CAMTA1: variants seen among roughly 807,000 people sequenced by gnomAD.
CAMTA1 encodes the protein calmodulin binding transcription activator 1, also known as calmodulin-binding transcription activator 1.
CAMTA1 carries 27 observed loss-of-function variants against 170.9 expected under a neutral mutation model. The observed-to-expected ratio is 0.16, with a 90% CI of 0.12 to 0.22. The LOEUF (loss-of-function observed/expected upper bound fraction) is 0.22. CAMTA1 is among the 10% of genes least tolerant of loss of function. The pLI, the probability that CAMTA1 is intolerant of heterozygous loss-of-function variation, is 1.00. For synonymous variants in CAMTA1, 833 were observed against 891.5 expected (o/e 0.93, Z 1.17); for missense variants, 1,619 against 2,217.2 (o/e 0.73, Z 5.42).
chr1:7,460,622 T>C (rs2093062428), intron 5 of CAMTA1, among the ~76,000 whole-genome samples: 1 of 151,560 alleles, frequency 6.6e-6, no homozygotes, highest in African/African-American at 2.4e-5. Flanking sequence ...TGCCCCCAGT[T>C]CTGCCTCTCA....
intron 4 of CAMTA1, among the ~76,000 whole-genome samples, chr1:7,171,769 G>A (rs970214204): frequency 4.6e-5 from 7 of 152,196 alleles, no homozygotes; most frequent in Non-Finnish European, 1.0e-4. Context: ...GTCCCTCCCT[G>A]GTCCCCCTCC....
rs929193936 is a variant in CAMTA1, at chr1:7,093,199, C to A, written c.302+1828C>A. Among the ~76,000 whole-genome samples the A allele has an allele frequency of 6.6e-6, 1 of 152,146 alleles. No individual in the cohort carries two copies. On this transcript the variant is annotated intron_variant, in intron 4 of 22. Coordinates refer to ENST00000303635, the MANE Select transcript of CAMTA1 (RefSeq NM_015215.4). This position sits in a 1 kb window ranked among gnomAD's most constrained non-coding sequence, Gnocchi z 4.6. ...AATCAGCTGAGGGCTCATTAAAATG[C>A]GGGCCCCACCCTAGGGTTTCTGATT...
At chr1:6,786,409 G>A (rs1226806069) in intron 1 of CAMTA1, among the ~76,000 whole-genome samples, 1 of 151,898 alleles carries the variant, frequency 6.6e-6, no homozygotes, top group East Asian at 1.9e-4. Flanking sequence ...TTTACCTTCC[G>A]TGACCCCGAT....
rs547797489 is a variant in CAMTA1, at chr1:7,616,713, A to T, written c.511-23687A>T. On this transcript the variant is annotated intron_variant, in intron 6 of 22. Transcript: ENST00000303635. ...GAGGGAATGGAACACTAGCAGGCAGAGGGAGAAGCGTGACAGGGAGGAGAG... is the reference window on the plus strand; with the variant it reads ...GAGGGAATGGAACACTAGCAGGCAGTGGGAGAAGCGTGACAGGGAGGAGAG... Among the ~76,000 whole-genome samples, 10 of 152,280 alleles carry T rather than the reference A, an allele frequency of 6.6e-5. No individual in the cohort carries two copies. The South Asian group carries it at 2.1e-3, about 32-fold the overall frequency.
Position 7,488,135 on chromosome 1 carries a change from C to G in CAMTA1, c.510+20234C>G, listed in dbSNP as rs1039891586. Among the ~76,000 whole-genome samples the G allele has an allele frequency of 3.9e-5, 6 of 152,296 alleles. No homozygotes were observed. In the South Asian group the frequency reaches 8.3e-4, roughly 21 times the overall value. ...GAATCTCTCTAAAATCTCTCTGGAG[C>G]CTTTCTGGAATCTCCCTCTAGAATC... is the stretch of plus-strand genomic sequence containing the variant. On this transcript the variant is annotated intron_variant, in intron 6 of 22. Coordinates refer to ENST00000303635, the MANE Select transcript of CAMTA1 (RefSeq NM_015215.4).
chr1:7,083,483 G>T (rs1368342539), intron 3 of CAMTA1, among the ~76,000 whole-genome samples: 1 of 152,252 alleles, frequency 6.6e-6, no homozygotes, highest in Non-Finnish European at 1.5e-5. Flanking sequence ...GGCTTGGCCA[G>T]CTGGGTGCTT....
chr1:7,556,479 G>A (rs2094879649), intron 6 of CAMTA1, among the ~76,000 whole-genome samples: 1 of 152,182 alleles, frequency 6.6e-6, no homozygotes, highest in Non-Finnish European at 1.5e-5. Context: ...TCTCACCCTT[G>A]CAAACTCTTC....
intron 3 of CAMTA1, among the ~76,000 whole-genome samples, chr1:6,996,063 A>G (rs1305028995): frequency 6.6e-6 from 1 of 152,202 alleles, no homozygotes; most frequent in African/African-American, 2.4e-5. Flanking sequence ...TTGGCAAGGC[A>G]TTTGCTATCT....
At chr1:7,000,736 C>A in intron 3 of CAMTA1, among the ~76,000 whole-genome samples, 1 of 152,312 alleles carries the variant, frequency 6.6e-6, no homozygotes, top group African/African-American at 2.4e-5. Context: ...CTGTTGACCT[C>A]CCCCAATTCC....
intron 16 of CAMTA1, among the ~76,000 whole-genome samples, chr1:7,741,378 A>T (rs886666701): frequency 7.2e-5 from 11 of 152,124 alleles, no homozygotes; most frequent in African/African-American, 2.2e-4. Context: ...CCTGGCTAAC[A>T]CGGTGAAACC....
In CAMTA1 at chr1:7,534,161, C is replaced by T. The variant is rs2094522939; in HGVS notation, c.510+66260C>T. 1.3e-5 allele frequency among the ~76,000 whole-genome samples: 2 copies of T among 152,212 alleles called. No homozygotes were observed. Among genetic ancestry groups the T allele is most frequent in the Admixed American group, 1.3e-4 (2 of 15,284 alleles). ...AGCCTCATATCTGCCAATACAAAGC[C>T]ATACATCTTGGTGTGTGACAAATCA... On this transcript the variant is annotated intron_variant, in intron 6 of 22. Coordinates refer to ENST00000303635, the MANE Select transcript of CAMTA1 (RefSeq NM_015215.4). The surrounding 1 kb of genome is among the most constrained non-coding windows in gnomAD (Gnocchi z 5.6).
At chr1:7,056,371 A>T (rs1707322483) in intron 3 of CAMTA1, among the ~76,000 whole-genome samples, 1 of 152,184 alleles carries the variant, frequency 6.6e-6, no homozygotes, top group South Asian at 2.1e-4. Flanking sequence ...GAGAAGATGC[A>T]GCCCCCAGGT....
intron 21 of CAMTA1, among the ~76,000 whole-genome samples, chr1:7,755,042 T>C (rs1366453712): frequency 2.0e-5 from 3 of 152,138 alleles, no homozygotes; most frequent in East Asian, 3.8e-4. Context: ...ATAGAAAACC[T>C]TGGCCAGGTG....
At chr1:7,740,918 A>T (rs1240545815) in intron 16 of CAMTA1, among the ~76,000 whole-genome samples, 2 of 152,230 alleles carry the variant, frequency 1.3e-5, no homozygotes, top group East Asian at 3.8e-4. Context: ...CAGTCTAAAG[A>T]AAGTTTTTTA....
chr1:7,695,186 G>A (rs1447807599), intron 11 of CAMTA1, among the ~76,000 whole-genome samples: 2 of 152,114 alleles, frequency 1.3e-5, no homozygotes, highest in Admixed American at 6.5e-5. Context: ...CAGCCCCCAC[G>A]AGGTGGGACC....
At chr1:7,437,612 T>C (rs2092388713) in intron 5 of CAMTA1, among the ~76,000 whole-genome samples, 1 of 152,238 alleles carries the variant, frequency 6.6e-6, no homozygotes, top group Non-Finnish European at 1.5e-5. Flanking sequence ...CTTCAACGTA[T>C]GAATTTTGGG....
intron 5 of CAMTA1, among the ~76,000 whole-genome samples, chr1:7,393,901 G>C (rs910074650): frequency 6.6e-6 from 1 of 152,100 alleles, no homozygotes; most frequent in African/African-American, 2.4e-5. Flanking sequence ...CTACGTCTAT[G>C]AGATCAACTT....
At chr1:7,212,027 A>G (rs775593916) in intron 4 of CAMTA1, among the ~76,000 whole-genome samples, 9 of 152,208 alleles carry the variant, frequency 5.9e-5, no homozygotes, top group African/African-American at 7.2e-5. Context: ...TCCTAAATAT[A>G]TATAAAATAA....
intron 3 of CAMTA1, among the ~76,000 whole-genome samples, chr1:6,870,250 C>T (rs997646818): frequency 2.0e-5 from 3 of 152,076 alleles, no homozygotes; most frequent in Non-Finnish European, 4.4e-5. Context: ...AAATTACTTG[C>T]ATGCCTCCGA....
Sources: gnomAD v4.1 joint callset for allele counts (sites outside exome capture counted in the v4.1 genomes callset) on GRCh38, gnomAD v4.1.1 for gene constraint, Gnocchi (gnomAD v3.1) non-coding constraint, MANE v1.5 for transcripts, NCBI Gene and HGNC (gene_info 2026-07-23, HGNC 2026-07-21) for gene names.